SLFN11: variants seen among roughly 807,000 people sequenced by gnomAD.
SLFN11 encodes schlafen family member 11.
A neutral mutation model predicts 53.4 loss-of-function variants in SLFN11; 43 were observed. The ratio of observed to expected loss-of-function variants is 0.80; its 90% confidence interval spans 0.63 to 1.04. The LOEUF (loss-of-function observed/expected upper bound fraction) is 1.04, where lower values mean the gene tolerates loss of function less well. Ranked by LOEUF, SLFN11 falls within the 50% of genes least tolerant of loss-of-function variation. The pLI is 0.00. For missense variants in SLFN11, 990 were observed against 1,079.1 expected (o/e 0.92, Z 1.16); for synonymous variants, 389 against 394.7 (o/e 0.99, Z 0.17).
At chr17:35,357,793 TA>T (rs1431882217) in intron 5 of SLFN11, among the ~76,000 whole-genome samples, 1 of 143,852 alleles carries the variant, frequency 7.0e-6, no homozygotes, top group East Asian at 2.0e-4. Context: ...ATAATAAACA[TA>T]AAAATATAAT....
intron 4 of SLFN11, 48 bp downstream of exon 4, chr17:35,362,691 C>T: frequency 6.9e-7 from 1 of 1,452,572 alleles, no homozygotes; most frequent in East Asian, 2.3e-5. Flanking sequence ...TATGGGAGGT[C>T]CCAAGGATGT....
intron 1 of SLFN11, among the ~76,000 whole-genome samples, chr17:35,368,933 C>A (rs9906161): frequency 0.34 from 51,970 of 151,946 alleles, 10,566 homozygotes; most frequent in Non-Finnish European, 0.43. Context: ...AAGACCCAGT[C>A]CTGGCAGGAT....
chr17:35,363,937 A>T lies in SLFN11; in HGVS notation c.-19-111T>A, dbSNP rs1486258246. ...ACAATAGACTAGCAAGCAAGACAGG[A>T]GCAATCCCTTCTCTTTAGGAGAAGA... is the stretch of plus-strand genomic sequence containing the variant. On this transcript the variant is annotated intron_variant, in intron 3 of 6. Coordinates refer to ENST00000685675, the MANE Select transcript of SLFN11 (RefSeq NM_001376007.1). 5.0e-6 allele frequency: 4 copies of T among 796,922 alleles called. No homozygotes were observed. In the South Asian group the frequency reaches 8.4e-5, roughly 17 times the overall value. The allele number at this position is 796,922 out of a possible 1,614,324, so 49.4% of individuals were successfully genotyped here. A position where few individuals can be genotyped will look rare whatever the true frequency, so the allele number is the denominator to read the frequency against.
intron 1 of SLFN11, among the ~76,000 whole-genome samples, chr17:35,369,407 T>C (rs1288168880): frequency 6.6e-6 from 1 of 152,104 alleles, no homozygotes; most frequent in Non-Finnish European, 1.5e-5. Flanking sequence ...TGGGAAGGAC[T>C]GTGTCTCATG....
At position 35,351,850 on chromosome 17, in the gene SLFN11, C is replaced by T. The variant is rs1434937408; in HGVS notation, c.*506G>A. Reference sequence around the variant, plus strand: ...GTGACTGAATTATCTTCGGACTCTCCCAAGCCCTAAATGAATACAGCAAAG... The same window carrying T: ...GTGACTGAATTATCTTCGGACTCTCTCAAGCCCTAAATGAATACAGCAAAG... On this transcript the variant is annotated 3_prime_UTR_variant, in exon 7 of 7. Coordinates refer to ENST00000685675, the MANE Select transcript of SLFN11 (RefSeq NM_001376007.1). 1 of 156,020 alleles carries T rather than the reference C, an allele frequency of 6.4e-6. No individual in the cohort carries two copies. The highest frequency in any genetic ancestry group is 1.4e-5 in the Non-Finnish European group (1 of 70,568). The allele number at this position is 156,020 out of a possible 1,614,324, so 9.7% of individuals were successfully genotyped here.
At position 35,352,017 on chromosome 17, in the gene SLFN11, C is replaced by A; in HGVS notation, c.*339G>T. 1 of 252,206 alleles carries A rather than the reference C, an allele frequency of 4.0e-6. No homozygotes were observed. The highest frequency in any genetic ancestry group is 7.5e-6 in the Non-Finnish European group (1 of 132,616). The allele number at this position is 252,206 out of a possible 1,614,324, so 15.6% of individuals were successfully genotyped here. A position where few individuals can be genotyped will look rare whatever the true frequency, so the allele number is the denominator to read the frequency against. On this transcript the variant is annotated 3_prime_UTR_variant, in exon 7 of 7. Transcript: ENST00000685675. ...AAGTCACTTAAAAAAAGAAGCCCAG[C>A]CTTGGAAGAAAGAAAGGCCACAGGC...
At chr17:35,356,706 C>T (rs933503963) in intron 5 of SLFN11, among the ~76,000 whole-genome samples, 3 of 151,752 alleles carry the variant, frequency 2.0e-5, no homozygotes, top group African/African-American at 7.3e-5. Context: ...TATTGATGGG[C>T]CCTTGAGTTT....
At chr17:35,353,267 C>A (rs772757916) in intron 6 of SLFN11, 69 bp downstream of exon 6, 166 of 1,606,288 alleles carry the variant, frequency 1.0e-4, no homozygotes, top group African/African-American at 2.3e-4. Flanking sequence ...TCAAGAAAGA[C>A]GGTGACTTAG....
chr17:35,364,837 T>G (rs938147497), intron 3 of SLFN11, among the ~76,000 whole-genome samples: 2 of 152,074 alleles, frequency 1.3e-5, no homozygotes, highest in African/African-American at 4.8e-5. Flanking sequence ...CATTTCACAA[T>G]GAGTCAACGA....
rs143462796 is a variant in SLFN11, at chr17:35,352,680, G to T, written c.2382C>A (p.Asp794Glu). ...TVEQIMTCVA[D>E]TCRRFFDRGY... ...CCCTATCAAAGAAGCGCCTGCACGTGTCTGCCACACAGGTCATTATTTGCT... is the reference window on the plus strand; with the variant it reads ...CCCTATCAAAGAAGCGCCTGCACGTTTCTGCCACACAGGTCATTATTTGCT... Residue 794 changes from aspartate (D) to glutamate (E), a missense_variant, in exon 7 of 7, where the codon GAC becomes GAA. Asp to Glu is a conservative substitution (Grantham distance 45). Coordinates refer to ENST00000685675, the MANE Select transcript of SLFN11 (RefSeq NM_001376007.1). The T allele has an allele frequency of 9.3e-6, 15 of 1,613,812 alleles. No homozygotes were observed. Among genetic ancestry groups the T allele is most frequent in the Middle Eastern group, 1.6e-4 (1 of 6,080 alleles).
rs1906527666 is a variant in SLFN11, at chr17:35,350,314, G to T, written c.*2042C>A. 6.6e-6 allele frequency: 1 copy of T among 151,878 alleles called. No homozygotes were observed. Among genetic ancestry groups the T allele is most frequent in the South Asian group, 2.1e-4 (1 of 4,816 alleles). The allele number at this position is 151,878 out of a possible 1,614,324, so 9.4% of individuals were successfully genotyped here. On this transcript the variant is annotated 3_prime_UTR_variant, in exon 7 of 7. Coordinates refer to ENST00000685675, the MANE Select transcript of SLFN11 (RefSeq NM_001376007.1). The stretch of plus-strand genomic sequence containing the variant: ...TTATTTTACAAGACCATTTTTTTCA[G>T]TTTAATGAGACACAAACTCTCAACT...
In SLFN11 at chr17:35,350,861, T is replaced by C. The variant is rs1906583597; in HGVS notation, c.*1495A>G. 1 of 152,244 alleles carries C rather than the reference T, an allele frequency of 6.6e-6. No homozygotes were observed. Among genetic ancestry groups the C allele is most frequent in the African/African-American group, 2.4e-5 (1 of 41,464 alleles). 9.4% of individuals were successfully genotyped at this position (152,244 alleles called of 1,614,324 possible). A position where few individuals can be genotyped will look rare whatever the true frequency, so the allele number is the denominator to read the frequency against. On this transcript the variant is annotated 3_prime_UTR_variant, in exon 7 of 7. Coordinates refer to ENST00000685675, the MANE Select transcript of SLFN11 (RefSeq NM_001376007.1). The stretch of plus-strand genomic sequence containing the variant: ...ACCAATAAGTGAAATATTGGTCATA[T>C]GATTTCTTAGTTTCCATTAGTTATG...
chr17:35,352,078 C>CTTCAAAGTA lies in SLFN11; in HGVS notation c.*277_*278insTACTTTGAA, dbSNP rs1906745128. ...ATTTTTATGGCTTTTACCCAAAATGCAAGACACAGATCGGCATTGTGCAGG... is the reference window on the plus strand; with the variant it reads ...ATTTTTATGGCTTTTACCCAAAATGCTTCAAAGTAAAGACACAGATCGGCATTGTGCAGG... On this transcript the variant is annotated 3_prime_UTR_variant, in exon 7 of 7. Coordinates refer to ENST00000685675, the MANE Select transcript of SLFN11 (RefSeq NM_001376007.1). 2.6e-6 allele frequency: 1 copy of CTTCAAAGTA among 391,702 alleles called. No individual in the cohort carries two copies. The highest frequency in any genetic ancestry group is 2.0e-5 in the African/African-American group (1 of 48,984). 24.3% of individuals were successfully genotyped at this position (391,702 alleles called of 1,614,324 possible). A position where few individuals can be genotyped will look rare whatever the true frequency, so the allele number is the denominator to read the frequency against.
chr17:35,370,729 C>T (rs886642490), intron 1 of SLFN11, among the ~76,000 whole-genome samples: 7 of 151,648 alleles, frequency 4.6e-5, no homozygotes, highest in Non-Finnish European at 1.0e-4. Context: ...ACAATAGCCA[C>T]AAATAAAATT....
At chr17:35,362,615 G>A (rs1433127214) in intron 4 of SLFN11, 124 bp downstream of exon 4, 11 of 703,382 alleles carry the variant, frequency 1.6e-5, no homozygotes, top group South Asian at 1.1e-4. Flanking sequence ...AATACTTGGG[G>A]ATTCAAAATA....
At chr17:35,358,823 T>G (rs914101852) in intron 5 of SLFN11, among the ~76,000 whole-genome samples, 5 of 152,074 alleles carry the variant, frequency 3.3e-5, no homozygotes, top group Non-Finnish European at 7.4e-5. Context: ...TTTTCTATCT[T>G]TAACAAGTTT....
At position 35,360,136 on chromosome 17, in the gene SLFN11, G is replaced by C. The variant is rs1597711416; in HGVS notation, c.1198+107C>G. 4.7e-5 allele frequency: 54 copies of C among 1,148,398 alleles called. No individual in the cohort carries two copies. In the South Asian group the frequency reaches 7.3e-4, roughly 16 times the overall value. 71.1% of individuals were successfully genotyped at this position (1,148,398 alleles called of 1,614,324 possible). On this transcript the variant is annotated intron_variant, in intron 5 of 6. Transcript: ENST00000685675. ...TGTAACATCATCACGTCTTACAAATGGGTTTGCAGAGCACTTTCAGGATTT... is the reference window on the plus strand; with the variant it reads ...TGTAACATCATCACGTCTTACAAATCGGTTTGCAGAGCACTTTCAGGATTT...
intron 3 of SLFN11, among the ~76,000 whole-genome samples, chr17:35,364,164 G>A (rs536305964): frequency 1.3e-5 from 2 of 152,272 alleles, no homozygotes; most frequent in South Asian, 4.1e-4. Context: ...ATTGAAGAAT[G>A]GAAGCAGTGG....
intron 1 of SLFN11, among the ~76,000 whole-genome samples, chr17:35,370,648 A>G (rs992775121): frequency 6.6e-6 from 1 of 152,148 alleles, no homozygotes; most frequent in African/African-American, 2.4e-5. Context: ...CAAAATAAAC[A>G]TACAAAAATC....
Sources: allele counts gnomAD v4.1 joint callset (sites outside exome capture counted in the v4.1 genomes callset), GRCh38; gene constraint gnomAD v4.1.1; transcripts MANE v1.5; gene names NCBI Gene and HGNC (gene_info 2026-07-23, HGNC 2026-07-21).